Variants in SLC24A3 observed in about 807,000 individuals in gnomAD.
The protein encoded by SLC24A3 is sodium/potassium/calcium exchanger 3.
In SLC24A3, 28 loss-of-function variants were observed where a neutral mutation model predicts 75.8. The observed-to-expected ratio is 0.37, with a 90% confidence interval of 0.27 to 0.51. The LOEUF is 0.51. Among genes scored for constraint, SLC24A3 ranks in the 20% least tolerant of loss-of-function variants. The probability of loss-of-function intolerance (pLI) is 0.94; values close to 1 mark genes in which losing one functional copy is unlikely to be tolerated. For synonymous variants in SLC24A3, 372 were observed against 334.1 expected, an observed-to-expected ratio of 1.11 and a Z score of -1.24; for missense variants, 663 against 847.8, an observed-to-expected ratio of 0.78 and a Z score of 2.71.
intron 3 of SLC24A3, 79 bp downstream of exon 3, chr20:19,515,643 C>A: frequency 1.4e-6 from 2 of 1,395,362 alleles, no homozygotes; most frequent in Non-Finnish European, 2.0e-6. Context: ...CTGAGGTGCC[C>A]CCAGTAGATT....
In SLC24A3 at chr20:19,627,159, T is replaced by C. The variant is rs188799807; in HGVS notation, c.613-26903T>C. On this transcript the variant is annotated intron_variant, in intron 6 of 16. Coordinates refer to ENST00000328041, the MANE Select transcript of SLC24A3 (RefSeq NM_020689.4). ...GGCACTTAGGAAAGATCTGACGAAG[T>C]GAAAGTATCCATTTGGGACCCATTC... Among the ~76,000 whole-genome samples the C allele has an allele frequency of 2.8e-3, 421 of 152,352 alleles. 2 individuals are homozygous for C. The highest frequency in any genetic ancestry group is 4.7e-3 in the Non-Finnish European group (323 of 68,020).
chr20:19,280,529 A>G (rs1431247642), intron 1 of SLC24A3, among the ~76,000 whole-genome samples: 1 of 152,160 alleles, frequency 6.6e-6, no homozygotes, highest in Non-Finnish European at 1.5e-5. Context: ...CAATGATGTC[A>G]TGTGGGCAGC....
intron 1 of SLC24A3, among the ~76,000 whole-genome samples, chr20:19,246,160 T>C (rs1361988011): frequency 6.6e-6 from 1 of 152,174 alleles, no homozygotes; most frequent in Non-Finnish European, 1.5e-5. Context: ...GAGAGACATA[T>C]ATAGCCTTAT....
At chr20:19,326,024 T>C (rs1984852174) in intron 2 of SLC24A3, among the ~76,000 whole-genome samples, 1 of 151,912 alleles carries the variant, frequency 6.6e-6, no homozygotes, top group African/African-American at 2.4e-5. Flanking sequence ...TGGTGCTTCA[T>C]GTTGGTGCTT....
intron 2 of SLC24A3, among the ~76,000 whole-genome samples, chr20:19,460,669 T>G (rs746529930): frequency 6.6e-6 from 1 of 152,072 alleles, no homozygotes; most frequent in Non-Finnish European, 1.5e-5. Flanking sequence ...TATTTGGACG[T>G]GTTTCCCTCC....
chr20:19,669,533 G>A lies in SLC24A3; in HGVS notation c.713+3644G>A, dbSNP rs1201090454. Among the ~76,000 whole-genome samples the A allele has an allele frequency of 2.0e-5, 3 of 151,968 alleles. No homozygotes were observed. The East Asian group carries it at 5.8e-4, about 29-fold the overall frequency. On this transcript the variant is annotated intron_variant, in intron 8 of 16. Coordinates refer to ENST00000328041, the MANE Select transcript of SLC24A3 (RefSeq NM_020689.4). ...AAAAAAAGAAAAAAAAGTGTCAGAG[G>A]CCCACATATTAGGATGTATGCTCGA... is the stretch of plus-strand genomic sequence containing the variant.
At chr20:19,647,482 G>A (rs942783759) in intron 6 of SLC24A3, among the ~76,000 whole-genome samples, 6 of 152,202 alleles carry the variant, frequency 3.9e-5, no homozygotes, top group Admixed American at 3.3e-4. Context: ...AGTGAATGCA[G>A]ATATCCTTAC....
intron 2 of SLC24A3, among the ~76,000 whole-genome samples, chr20:19,288,638 G>A (rs1455598281): frequency 3.3e-5 from 5 of 152,152 alleles, no homozygotes; most frequent in East Asian, 1.9e-4. Context: ...CAGGAAAAAC[G>A]GTATGATGAT....
At chr20:19,422,519 T>C (rs1973910833) in intron 2 of SLC24A3, among the ~76,000 whole-genome samples, 1 of 152,200 alleles carries the variant, frequency 6.6e-6, no homozygotes, top group African/African-American at 2.4e-5. Flanking sequence ...GCTATCCTGC[T>C]CTCAACATCT....
At chr20:19,514,141 C>A (rs976671507) in intron 2 of SLC24A3, among the ~76,000 whole-genome samples, 5 of 152,154 alleles carry the variant, frequency 3.3e-5, no homozygotes, top group African/African-American at 1.2e-4. Flanking sequence ...CAAGCAGTGA[C>A]CGATGGCTTG....
intron 2 of SLC24A3, among the ~76,000 whole-genome samples, chr20:19,379,490 A>G (rs1238971282): frequency 6.6e-6 from 1 of 152,120 alleles, no homozygotes; most frequent in Non-Finnish European, 1.5e-5. Flanking sequence ...GAGTCTCACC[A>G]GATTTGTAGT....
intron 1 of SLC24A3, among the ~76,000 whole-genome samples, chr20:19,269,786 A>G (rs1046563989): frequency 6.6e-6 from 1 of 152,194 alleles, no homozygotes; most frequent in African/African-American, 2.4e-5. Context: ...TCATCAGGTG[A>G]GGTGGGCACA....
chr20:19,373,796 T>C lies in SLC24A3; in HGVS notation c.271+92709T>C, dbSNP rs554258481. Among the ~76,000 whole-genome samples, 5 of 152,122 alleles carry C rather than the reference T, an allele frequency of 3.3e-5. No homozygotes were observed. The South Asian group carries it at 6.3e-4, about 19-fold the overall frequency. ...TCCTGGAGTGGGTGGGCTTCTGAAT[T>C]TGGAGGCATCTACTAAGAGCATGAC... On this transcript the variant is annotated intron_variant, in intron 2 of 16. Coordinates refer to ENST00000328041, the MANE Select transcript of SLC24A3 (RefSeq NM_020689.4).
chr20:19,602,925 G>A (rs1206831227), intron 6 of SLC24A3, among the ~76,000 whole-genome samples: 3 of 152,178 alleles, frequency 2.0e-5, no homozygotes, highest in African/African-American at 7.2e-5. Context: ...GCTGAGGGGG[G>A]CTCATCACAC....
chr20:19,261,116 A>T (rs1310072548), intron 1 of SLC24A3, among the ~76,000 whole-genome samples: 1 of 152,150 alleles, frequency 6.6e-6, no homozygotes, highest in Non-Finnish European at 1.5e-5. Context: ...TTCTGGCTTC[A>T]CTGAACCTCT....
rs114015430 is a variant in SLC24A3 at position 19,426,388 on chromosome 20, A to G, written c.272-89100A>G. Among the ~76,000 whole-genome samples the G allele has an allele frequency of 3.0e-3, 459 of 152,338 alleles. 3 individuals are homozygous for G. The highest frequency in any genetic ancestry group is 0.01 in the African/African-American group (429 of 41,582). On this transcript the variant is annotated intron_variant, in intron 2 of 16. Coordinates refer to ENST00000328041, the MANE Select transcript of SLC24A3 (RefSeq NM_020689.4). ...GCGTACACTCAGAGGACTGTGTTTA[A>G]AATTACTTAAATATATTATTTGTGG...
At chr20:19,378,921 A>G (rs62200386) in intron 2 of SLC24A3, among the ~76,000 whole-genome samples, 177 of 146,726 alleles carry the variant, frequency 1.2e-3, no homozygotes, top group Middle Eastern at 3.7e-3. Flanking sequence ...AAAAAAAAAA[A>G]GGATGCAGTG....
chr20:19,331,964 A>T (rs999608285), intron 2 of SLC24A3, among the ~76,000 whole-genome samples: 1 of 152,206 alleles, frequency 6.6e-6, no homozygotes, highest in Non-Finnish European at 1.5e-5. Flanking sequence ...AAGGAAGAAC[A>T]TTCCAGGCAG....
At chr20:19,441,890 CATA>C (rs1490300454) in intron 2 of SLC24A3, among the ~76,000 whole-genome samples, 1 of 152,142 alleles carries the variant, frequency 6.6e-6, no homozygotes, top group Non-Finnish European at 1.5e-5. Context: ...TGATAAAAAT[CATA>C]AAACCACTGA....
Sources: allele counts gnomAD v4.1 joint callset (sites outside exome capture counted in the v4.1 genomes callset), GRCh38; gene constraint gnomAD v4.1.1; transcripts MANE v1.5; gene names NCBI Gene and HGNC (gene_info 2026-07-23, HGNC 2026-07-21).